CCDC15: variants seen among roughly 807,000 people sequenced by gnomAD.
CCDC15 encodes coiled-coil domain containing 15, also known as coiled-coil domain-containing protein 15.
CCDC15 carries 105 observed loss-of-function variants against 114.5 expected under a neutral mutation model. That is an observed-to-expected ratio of 0.92 (90% CI 0.78 to 1.08). The LOEUF is 1.08. Among genes scored for constraint, CCDC15 ranks in the 50% least tolerant of loss-of-function variants. The probability of loss-of-function intolerance (pLI) is 0.00; values close to 1 mark genes in which losing one functional copy is unlikely to be tolerated. For synonymous variants in CCDC15, 334 were observed against 377.8 expected (o/e 0.88, Z 1.34); for missense variants, 1,105 against 1,093.6 (o/e 1.01, Z -0.15).
intron 4 of CCDC15, among the ~76,000 whole-genome samples, chr11:124,974,278 G>A (rs1274362034): frequency 7.2e-5 from 11 of 152,146 alleles, no homozygotes. Flanking sequence ...ACCACGGCTG[G>A]CCTACAGTGC....
At chr11:124,960,109 C>A in intron 4 of CCDC15, 106 bp downstream of exon 4, 5 of 688,580 alleles carry the variant, frequency 7.3e-6, no homozygotes, top group Non-Finnish European at 1.0e-5. Flanking sequence ...TTATCACACT[C>A]AGCTTCACTT....
At chr11:124,993,443 C>A (rs937255428) in intron 11 of CCDC15, among the ~76,000 whole-genome samples, 200 bp downstream of exon 11, 1 of 152,156 alleles carries the variant, frequency 6.6e-6, no homozygotes, top group Non-Finnish European at 1.5e-5. Flanking sequence ...TGTATCACAC[C>A]ATTCTGACCT....
chr11:124,958,473 G>A (rs1001111656), intron 2 of CCDC15, among the ~76,000 whole-genome samples: 7 of 151,958 alleles, frequency 4.6e-5, no homozygotes, highest in Non-Finnish European at 8.8e-5. Flanking sequence ...TTTAGAATAT[G>A]TTTTGGAATT....
intron 13 of CCDC15, among the ~76,000 whole-genome samples, chr11:125,009,583 G>C (rs893376876): frequency 6.6e-6 from 1 of 152,050 alleles, no homozygotes; most frequent in Non-Finnish European, 1.5e-5. Context: ...TGAAGGTTGT[G>C]GTATAAATGA....
At chr11:124,993,862 A>C in intron 11 of CCDC15, among the ~76,000 whole-genome samples, 1 of 152,210 alleles carries the variant, frequency 6.6e-6, no homozygotes, top group South Asian at 2.1e-4. Context: ...ACCACAGCCA[A>C]AATGGTTTTA....
intron 13 of CCDC15, among the ~76,000 whole-genome samples, chr11:125,019,544 G>A (rs1182450334): frequency 6.6e-6 from 1 of 151,944 alleles, no homozygotes; most frequent in African/African-American, 2.4e-5. Context: ...TAACGTCTTT[G>A]AAGTTTATAA....
chr11:124,981,977 T>G (rs1948080150), intron 6 of CCDC15, among the ~76,000 whole-genome samples: 1 of 152,194 alleles, frequency 6.6e-6, no homozygotes, highest in Non-Finnish European at 1.5e-5. Flanking sequence ...GCACTTGTAT[T>G]GGGTGCATAT....
rs755237578 is a variant in CCDC15 at position 125,038,954 on chromosome 11, G to GA, written c.2623dup (p.Met875AsnfsTer5). ...AAGCTTTACGAGCCCAAATCCAGGA[G>GA]AAAATGCAGCTGTATAATATTACTT... On this transcript the variant is annotated frameshift_variant, in exon 15 of 16. Transcript: ENST00000344762. LOFTEE classifies it high-confidence loss of function. The GA allele has an allele frequency of 5.2e-5, 84 of 1,613,380 alleles. 1 individual carries two copies. The Admixed American group carries it at 8.5e-4, about 16-fold the overall frequency.
rs780901955 is a variant in CCDC15, at chr11:125,040,611, C to T, written c.2756C>T (p.Ser919Leu). ...NHRAYTRALH[S>L]FINSCDVPGG... ...GCAGCATATACTCGGGCACTACATT[C>T]ATTCATCAATTCCTGTGATGTCCCT... Residue 919 changes from serine (S) to leucine (L), a missense_variant, in exon 16 of 16, where the codon TCA becomes TTA. Physicochemically the swap from Ser to Leu is moderately radical, Grantham distance 145 (BLOSUM62 -2). Transcript: ENST00000344762. 6.2e-7 allele frequency: 1 copy of T among 1,610,048 alleles called. No homozygotes were observed. Among genetic ancestry groups the T allele is most frequent in the South Asian group, 1.1e-5 (1 of 90,252 alleles).
intron 13 of CCDC15, among the ~76,000 whole-genome samples, chr11:125,023,796 G>A (rs1381744149): frequency 2.6e-5 from 4 of 151,882 alleles, no homozygotes; most frequent in Non-Finnish European, 2.9e-5. Flanking sequence ...AAAGGAATGC[G>A]GGCAATAAAA....
intron 11 of CCDC15, among the ~76,000 whole-genome samples, chr11:125,003,270 TCTTAAA>T (rs72376212): frequency 0.2 from 30,554 of 151,644 alleles, 3,598 homozygotes; most frequent in African/African-American, 0.33. Flanking sequence ...GATAAATAAC[TCTTAAA>T]CTTAAGAGAT....
rs368709230 is a variant in CCDC15, at chr11:125,028,117, C to T, written c.2412-10314C>T. Among the ~76,000 whole-genome samples the T allele has an allele frequency of 1.2e-4, 19 of 152,234 alleles. No individual in the cohort carries two copies. The East Asian group carries it at 1.5e-3, about 12-fold the overall frequency. ...ATGTGCCTGTACTATGTATGTACTA[C>T]GGGCACTAAGTATGTACCCATACTG... On this transcript the variant is annotated intron_variant, in intron 13 of 15. Coordinates refer to ENST00000344762, the MANE Select transcript of CCDC15 (RefSeq NM_025004.3).
intron 6 of CCDC15, among the ~76,000 whole-genome samples, chr11:124,982,501 G>A (rs1167207609): frequency 6.6e-6 from 1 of 152,142 alleles, no homozygotes; most frequent in Non-Finnish European, 1.5e-5. Flanking sequence ...AATTCCCTTA[G>A]CATTTGCTTG....
chr11:125,037,467 C>T (rs571591774), intron 13 of CCDC15: 3 of 152,396 alleles, frequency 2.0e-5, no homozygotes, highest in African/African-American at 7.2e-5. Context: ...CCAGGAGACT[C>T]TCTGTTCATT....
At chr11:125,027,478 C>T (rs897609415) in intron 13 of CCDC15, among the ~76,000 whole-genome samples, 7 of 151,944 alleles carry the variant, frequency 4.6e-5, no homozygotes, top group African/African-American at 1.7e-4. Context: ...TATGCATTTC[C>T]CTGATAAGTA....
chr11:125,011,219 G>GTAT (rs1002023977), intron 13 of CCDC15, among the ~76,000 whole-genome samples: 7 of 140,462 alleles, frequency 5.0e-5, no homozygotes, highest in South Asian at 4.6e-4. Context: ...TGTAATAGAA[G>GTAT]TATTATTATT....
chr11:124,969,418 A>G (rs1471934324), intron 4 of CCDC15, among the ~76,000 whole-genome samples: 2 of 152,182 alleles, frequency 1.3e-5, no homozygotes, highest in African/African-American at 4.8e-5. Flanking sequence ...TGAAAGCGGC[A>G]TTTTGGTGAG....
At chr11:124,959,386 T>C (rs1271567835) in intron 3 of CCDC15, 122 bp downstream of exon 3, 3 of 814,358 alleles carry the variant, frequency 3.7e-6, no homozygotes, top group Non-Finnish European at 5.4e-6. Flanking sequence ...TCTAATTAAC[T>C]AGTGAAGACA....
chr11:124,970,538 A>C (rs1023733633), intron 4 of CCDC15, among the ~76,000 whole-genome samples: 2 of 152,224 alleles, frequency 1.3e-5, no homozygotes, highest in African/African-American at 4.8e-5. Flanking sequence ...AACTTTGATT[A>C]GATTTTTATG....
Sources: allele counts gnomAD v4.1 joint callset (sites outside exome capture counted in the v4.1 genomes callset), GRCh38; gene constraint gnomAD v4.1.1; transcripts MANE v1.5; gene names NCBI Gene and HGNC (gene_info 2026-07-23, HGNC 2026-07-21).